Variants in TMPRSS7 observed in about 807,000 individuals in gnomAD.
TMPRSS7 encodes the protein transmembrane protease serine 7.
TMPRSS7 carries 81 observed loss-of-function variants against 95.6 expected under a neutral mutation model. That is an observed-to-expected ratio of 0.85 (90% CI 0.71 to 1.02). TMPRSS7 has a LOEUF of 1.02. TMPRSS7 is among the 50% of genes least tolerant of loss of function. TMPRSS7 has a pLI of 0.00. For synonymous variants in TMPRSS7, 364 were observed against 337.8 expected (o/e 1.08, Z -0.85); for missense variants, 945 against 955.2 (o/e 0.99, Z 0.14).
At chr3:112,042,995 G>C (rs535446524) in intron 3 of TMPRSS7, 4 of 455,790 alleles carry the variant, frequency 8.8e-6, no homozygotes, top group Non-Finnish European at 1.8e-5. Flanking sequence ...AAGGTGGTGA[G>C]AGAGAGGGCA....
intron 2 of TMPRSS7, among the ~76,000 whole-genome samples, chr3:112,040,137 A>G (rs989337668): frequency 6.6e-6 from 1 of 152,206 alleles, no homozygotes; most frequent in Non-Finnish European, 1.5e-5. Flanking sequence ...TTGGAAGGGA[A>G]GACTTTCAGG....
chr3:112,066,893 A>G (rs540338749), intron 13 of TMPRSS7, among the ~76,000 whole-genome samples: 4 of 152,130 alleles, frequency 2.6e-5, no homozygotes, highest in South Asian at 2.1e-4. Context: ...GGTTTGTTAC[A>G]TAGGTATACT....
In TMPRSS7 at chr3:112,057,001, C is replaced by T. The variant is rs1169328982; in HGVS notation, c.1204-24C>T. On this transcript the variant is annotated intron_variant, in intron 9 of 17. Coordinates refer to ENST00000452346, the Ensembl canonical transcript of TMPRSS7. Reference sequence around the variant, plus strand: ...CATACTTTGATTGAAGCATTTTTTTCTGACTTAATGTTTATTTTCACAGAC... The same window carrying T: ...CATACTTTGATTGAAGCATTTTTTTTTGACTTAATGTTTATTTTCACAGAC... 5 of 1,507,892 alleles carry T rather than the reference C, an allele frequency of 3.3e-6. No individual in the cohort carries two copies. The Admixed American group carries it at 5.6e-5, about 17-fold the overall frequency. 93.4% of individuals were successfully genotyped at this position (1,507,892 alleles called of 1,614,324 possible). A position where few individuals can be genotyped will look rare whatever the true frequency, so the allele number is the denominator to read the frequency against.
chr3:112,055,142 T>G (rs1040441160), intron 9 of TMPRSS7, among the ~76,000 whole-genome samples: 2 of 152,130 alleles, frequency 1.3e-5, no homozygotes, highest in South Asian at 4.1e-4. Context: ...CATAAGAGAA[T>G]CCTTTTCCGA....
Position 112,063,513 on chromosome 3 carries a change from TG to T in TMPRSS7, c.1448-11del. 1 of 1,607,998 alleles carries T rather than the reference TG, an allele frequency of 6.2e-7. No individual in the cohort carries two copies. The highest frequency in any genetic ancestry group is 2.2e-5 in the East Asian group (1 of 44,874). ...CAAGATTTTCTATTTTTTGATTTTT[TG>T]TTGCCCATAGCCTGCCCTGTTGGAT... On this transcript the variant is annotated splice_polypyrimidine_tract_variant and intron_variant, in intron 11 of 17. Coordinates refer to ENST00000452346, the Ensembl canonical transcript of TMPRSS7.
At chr3:112,079,971 G>A (rs770071762) in intron 17 of TMPRSS7, among the ~76,000 whole-genome samples, 1 of 152,010 alleles carries the variant, frequency 6.6e-6, no homozygotes, top group Non-Finnish European at 1.5e-5. Context: ...ATAGCTAGTC[G>A]GTTACACAGC....
At chr3:112,038,978 G>A (rs952711947) in intron 2 of TMPRSS7, among the ~76,000 whole-genome samples, 3 of 152,142 alleles carry the variant, frequency 2.0e-5, no homozygotes, top group Admixed American at 6.6e-5. Context: ...AAAAATTAAT[G>A]GAATGCTAAG....
chr3:112,044,545 C>A (rs2073252895), intron 4 of TMPRSS7, among the ~76,000 whole-genome samples: 1 of 152,154 alleles, frequency 6.6e-6, no homozygotes, highest in South Asian at 2.1e-4. Flanking sequence ...TAGCTAGAAT[C>A]CTGAACCCCT....
chr3:112,039,887 A>C (rs73216065), intron 2 of TMPRSS7: 43,878 of 152,100 alleles, frequency 0.29, 7,318 homozygotes, highest in Middle Eastern at 0.38. Context: ...TCTGATTGGG[A>C]TCTGCATTGG....
intron 4 of TMPRSS7, among the ~76,000 whole-genome samples, chr3:112,045,340 G>A (rs141898706): frequency 0.059 from 8,973 of 152,134 alleles, 494 homozygotes; most frequent in East Asian, 0.26. Context: ...TAGAGACAGG[G>A]TTTCACCGTG....
chr3:112,063,462 T>C (rs1277315916), intron 11 of TMPRSS7, 63 bp from the exon 12 acceptor site: 3 of 1,249,086 alleles, frequency 2.4e-6, no homozygotes, highest in Admixed American at 1.7e-5. Context: ...TTTGCTAATG[T>C]GGTCTAGTGA....
intron 3 of TMPRSS7, 110 bp from the exon 4 acceptor site, chr3:112,044,145 G>A: frequency 1.4e-6 from 1 of 702,662 alleles, no homozygotes; most frequent in Non-Finnish European, 2.5e-6. Flanking sequence ...TTATTTTGAG[G>A]CTTGCATTTC....
At chr3:112,074,642 G>A (rs539143129) in intron 14 of TMPRSS7, among the ~76,000 whole-genome samples, 2 of 152,126 alleles carry the variant, frequency 1.3e-5, no homozygotes, top group African/African-American at 4.8e-5. Flanking sequence ...TTTAAAATGA[G>A]AACTTTCACT....
chr3:112,052,143 G>A (rs1453411389), intron 9 of TMPRSS7, among the ~76,000 whole-genome samples: 1 of 151,898 alleles, frequency 6.6e-6, no homozygotes, highest in Non-Finnish European at 1.5e-5. Flanking sequence ...CAGGGAAGGG[G>A]GCTCTATAGC....
intron 6 of TMPRSS7, 33 bp from the exon 7 acceptor site, chr3:112,047,706 A>G: frequency 6.8e-7 from 1 of 1,476,784 alleles, no homozygotes; most frequent in Non-Finnish European, 9.3e-7. Flanking sequence ...CTAAAAAAAA[A>G]GAAAATAAAG....
At chr3:112,068,992 A>G (rs1190391077) in intron 13 of TMPRSS7, among the ~76,000 whole-genome samples, 2 of 152,192 alleles carry the variant, frequency 1.3e-5, no homozygotes, top group Non-Finnish European at 1.5e-5. Context: ...TTTGAAATAC[A>G]TTCCATCAAT....
chr3:112,060,765 C>T (rs1455720694), intron 10 of TMPRSS7, among the ~76,000 whole-genome samples: 3 of 150,906 alleles, frequency 2.0e-5, no homozygotes, highest in Non-Finnish European at 4.4e-5. Context: ...TCCTCCTCAC[C>T]TTACAAAATG....
intron 13 of TMPRSS7, among the ~76,000 whole-genome samples, chr3:112,068,917 G>T (rs993596197): frequency 3.9e-5 from 6 of 152,144 alleles, no homozygotes; most frequent in Admixed American, 3.9e-4. Context: ...CAAAGGGAAT[G>T]CTTCCAATTT....
At chr3:112,047,958 T>C (rs1350242831) in exon 7 of TMPRSS7, 9 of 1,613,564 alleles carry the variant, frequency 5.6e-6, no homozygotes, top group Non-Finnish European at 7.6e-6. Context: ...CGGAGCAGCA[T>C]CTTGTACAGG....
Sources: allele counts gnomAD v4.1 joint callset (sites outside exome capture counted in the v4.1 genomes callset), GRCh38; gene constraint gnomAD v4.1.1; transcripts MANE v1.5; gene names NCBI Gene and HGNC (gene_info 2026-07-23, HGNC 2026-07-21).